IQCH: variants seen among roughly 807,000 people sequenced by gnomAD.
The protein encoded by IQCH is IQ domain-containing protein H.
A neutral mutation model predicts 117.0 loss-of-function variants in IQCH; 98 were observed. The observed-to-expected ratio is 0.84, with a 90% CI of 0.71 to 0.99. The LOEUF (loss-of-function observed/expected upper bound fraction) is 0.99. Among genes scored for constraint, IQCH ranks in the 50% least tolerant of loss-of-function variants. The probability of loss-of-function intolerance (pLI) is 0.00; values close to 1 mark genes in which losing one functional copy is unlikely to be tolerated. For synonymous variants in IQCH, 412 were observed against 448.2 expected, an observed-to-expected ratio of 0.92 and a Z score of 1.02; for missense variants, 1,102 against 1,243.8, an observed-to-expected ratio of 0.89 and a Z score of 1.72.
At chr15:67,274,148 A>T (rs1167359665) in intron 3 of IQCH, among the ~76,000 whole-genome samples, 2 of 152,052 alleles carry the variant, frequency 1.3e-5, no homozygotes, top group African/African-American at 4.8e-5. Context: ...GGATGGTCTT[A>T]TTTGGGTTGA....
In IQCH at chr15:67,384,569, A is replaced by G. The variant is rs1971044864; in HGVS notation, c.1373-367A>G. Reference sequence around the variant, plus strand: ...TCAAAATACCACATAAGAAGCTCACATTAAGAAGCCAAAACGATATTTTTT... The same window carrying G: ...TCAAAATACCACATAAGAAGCTCACGTTAAGAAGCCAAAACGATATTTTTT... On this transcript the variant is annotated intron_variant, in intron 10 of 20. Coordinates refer to ENST00000335894, the MANE Select transcript of IQCH (RefSeq NM_001031715.3). This position sits in a 1 kb window ranked among gnomAD's most constrained non-coding sequence, Gnocchi z 4.3. Among the ~76,000 whole-genome samples, 1 of 152,166 alleles carries G rather than the reference A, an allele frequency of 6.6e-6. No individual in the cohort carries two copies. Among genetic ancestry groups the G allele is most frequent in the Admixed American group, 6.6e-5 (1 of 15,262 alleles).
At chr15:67,276,926 T>C (rs1390494484) in intron 3 of IQCH, among the ~76,000 whole-genome samples, 1 of 152,248 alleles carries the variant, frequency 6.6e-6, no homozygotes, top group Non-Finnish European at 1.5e-5. Flanking sequence ...TTGGTTCCTT[T>C]GTCCCTTCTC....
intron 4 of IQCH, among the ~76,000 whole-genome samples, chr15:67,312,922 C>T (rs1967670240): frequency 6.6e-6 from 1 of 152,114 alleles, no homozygotes; most frequent in Non-Finnish European, 1.5e-5. Context: ...TTCAAGTATA[C>T]ATTCCTAGAC....
Position 67,388,777 on chromosome 15 carries a change from C to T in IQCH, c.1457-54C>T. The T allele has an allele frequency of 6.9e-7, 1 of 1,441,920 alleles. No individual in the cohort carries two copies. The highest frequency in any genetic ancestry group is 9.7e-7 in the Non-Finnish European group (1 of 1,030,140). 89.3% of individuals were successfully genotyped at this position (1,441,920 alleles called of 1,614,324 possible). A position where few individuals can be genotyped will look rare whatever the true frequency, so the allele number is the denominator to read the frequency against. ...ACAACACCAATCGGATGCCAGAGTT[C>T]ATAATGTCATTTACCTTCACACCAG... is the stretch of plus-strand genomic sequence containing the variant. On this transcript the variant is annotated intron_variant, in intron 11 of 20. Coordinates refer to ENST00000335894, the MANE Select transcript of IQCH (RefSeq NM_001031715.3). This position sits in a 1 kb window ranked among gnomAD's most constrained non-coding sequence, Gnocchi z 5.5.
chr15:67,338,267 A>G (rs1459302341), intron 5 of IQCH, among the ~76,000 whole-genome samples: 2 of 126,536 alleles, frequency 1.6e-5, no homozygotes, highest in African/African-American at 5.6e-5. Flanking sequence ...TGCTTTAGCA[A>G]TAGAGACAAT....
At chr15:67,324,303 C>CA (rs56279630) in intron 4 of IQCH, among the ~76,000 whole-genome samples, 31,327 of 128,178 alleles carry the variant, frequency 0.24, 3,886 homozygotes, top group East Asian at 0.5. Context: ...GTCTTTTGTC[C>CA]AAAAAAAAAA....
chr15:67,277,707 G>A (rs1032053948), intron 3 of IQCH, among the ~76,000 whole-genome samples: 9 of 151,886 alleles, frequency 5.9e-5, no homozygotes, highest in Middle Eastern at 3.4e-3. Flanking sequence ...CTAATTTTTT[G>A]TATTTTTAGT....
chr15:67,465,140 G>C lies in IQCH; in HGVS notation c.2519G>C (p.Gly840Ala). ...TGTTTTAATCAGGTGTGGGCAACCG[G>C]CCTTAACCTCGCATATAGTGACCAG... is the stretch of plus-strand genomic sequence containing the variant. ...STLEQQVWAT[G>A]LNLAYSDQLA... is the part of the protein sequence containing the mutation. The change falls in exon 17 of 21, where the codon GGC becomes GCC. Residue 840 changes from glycine to alanine, a missense_variant. By Grantham distance (60) the Gly-to-Ala change is moderately conservative (BLOSUM62 0). This residue lies in a region of IQCH where 650 missense variants were observed against 794.3 expected (regional missense o/e 0.82). Transcript: ENST00000335894. The surrounding 1 kb of genome is among the most constrained non-coding windows in gnomAD (Gnocchi z 5.9). The C allele has an allele frequency of 6.2e-7, 1 of 1,614,028 alleles. No individual in the cohort carries two copies. Among genetic ancestry groups the C allele is most frequent in the Non-Finnish European group, 8.5e-7 (1 of 1,179,994 alleles).
chr15:67,306,807 C>T, intron 4 of IQCH: 3 of 1,516,586 alleles, frequency 2.0e-6, no homozygotes, highest in East Asian at 2.5e-5. Context: ...AACAAACAAC[C>T]TTCTAACATT....
chr15:67,328,485 A>C (rs1968513185), intron 4 of IQCH, among the ~76,000 whole-genome samples: 1 of 152,196 alleles, frequency 6.6e-6, no homozygotes, highest in South Asian at 2.1e-4. Flanking sequence ...AAGATAAGTA[A>C]AAAGAAAAAC....
In IQCH at chr15:67,377,115, C is replaced by CA. The variant is rs5813442; in HGVS notation, c.1372+3698dup. Reference sequence around the variant, plus strand: ...CTGGGGACACAGCGAGACTCCATCTCAAAAAAAAAAAAAAAAGAAAAAAAG... The same window carrying CA: ...CTGGGGACACAGCGAGACTCCATCTCAAAAAAAAAAAAAAAAAGAAAAAAAG... On this transcript the variant is annotated intron_variant, in intron 10 of 20. Coordinates refer to ENST00000335894, the MANE Select transcript of IQCH (RefSeq NM_001031715.3). 2.1e-3 allele frequency among the ~76,000 whole-genome samples: 168 copies of CA among 81,740 alleles called. 1 individual carries two copies. The highest frequency in any genetic ancestry group is 5.3e-3 in the African/African-American group (88 of 16,676). 53.6% of individuals were successfully genotyped at this position (81,740 alleles called of 152,430 possible).
At chr15:67,468,237 C>T (rs930433455) in intron 17 of IQCH, among the ~76,000 whole-genome samples, 2 of 152,192 alleles carry the variant, frequency 1.3e-5, no homozygotes, top group African/African-American at 2.4e-5. Context: ...AAGGGAACAT[C>T]TTTGCAAACA....
chr15:67,467,856 A>G lies in IQCH; in HGVS notation c.2676+2559A>G, dbSNP rs1474243125. On this transcript the variant is annotated intron_variant, in intron 17 of 20. Coordinates refer to ENST00000335894, the MANE Select transcript of IQCH (RefSeq NM_001031715.3). This position sits in a 1 kb window ranked among gnomAD's most constrained non-coding sequence, Gnocchi z 5.7. ...CGCATTCAAAACTAATGCCTATAAA[A>G]TGCTTCCAGTGTGGGCCCTTTTCTT... Among the ~76,000 whole-genome samples the G allele has an allele frequency of 9.2e-5, 14 of 152,206 alleles. No individual in the cohort carries two copies. In the East Asian group the frequency reaches 2.5e-3, roughly 27 times the overall value.
rs969458011 is a variant in IQCH at position 67,370,007 on chromosome 15, G to T, written c.754-2104G>T. Among the ~76,000 whole-genome samples the T allele has an allele frequency of 6.6e-6, 1 of 152,178 alleles. No homozygotes were observed. The highest frequency in any genetic ancestry group is 6.5e-5 in the Admixed American group (1 of 15,274). ...GAATATCATCCAAGAAGGTAGAAAGGTGTAATCCCTTTGTTCTAAAACAGC... is the reference window on the plus strand; with the variant it reads ...GAATATCATCCAAGAAGGTAGAAAGTTGTAATCCCTTTGTTCTAAAACAGC... On this transcript the variant is annotated intron_variant, in intron 8 of 20. Transcript: ENST00000335894. The surrounding 1 kb of genome is among the most constrained non-coding windows in gnomAD (Gnocchi z 5.6).
chr15:67,414,886 G>A (rs1291704856), intron 14 of IQCH, among the ~76,000 whole-genome samples: 1 of 152,066 alleles, frequency 6.6e-6, no homozygotes, highest in South Asian at 2.1e-4. Context: ...AATCAAGGCA[G>A]AACAAAGCAA....
chr15:67,395,475 A>G lies in IQCH; in HGVS notation c.1817A>G (p.Tyr606Cys), dbSNP rs1971434041. 1 of 1,613,970 alleles carries G rather than the reference A, an allele frequency of 6.2e-7. No individual in the cohort carries two copies. Among genetic ancestry groups the G allele is most frequent in the South Asian group, 1.1e-5 (1 of 91,078 alleles). The part of the protein sequence containing the change: ...LGSEPELAHL[Y>C]STKSGGKRVF... ...TCTGAGCCTGAACTAGCTCATCTTT[A>G]TAGTACCAAATCTGGAGGCAAACGT... is the stretch of plus-strand genomic sequence containing the variant. The change falls in exon 13 of 21, where the codon TAT becomes TGT. Residue 606 changes from tyrosine to cysteine, a missense_variant. Physicochemically the swap from Tyr to Cys is radical, Grantham distance 194. Transcript: ENST00000335894. The surrounding 1 kb of genome is among the most constrained non-coding windows in gnomAD (Gnocchi z 4.0).
chr15:67,489,122 C>T (rs2083571871), intron 18 of IQCH, among the ~76,000 whole-genome samples: 1 of 151,808 alleles, frequency 6.6e-6, no homozygotes, highest in African/African-American at 2.4e-5. Context: ...CAAGCTCCGC[C>T]TCCCAGGTTC....
At chr15:67,419,347 C>T (rs1209901085) in intron 15 of IQCH, among the ~76,000 whole-genome samples, 3 of 152,156 alleles carry the variant, frequency 2.0e-5, no homozygotes, top group Admixed American at 6.5e-5. Context: ...CCAGTGCATA[C>T]AGCAGGCCCT....
intron 4 of IQCH, among the ~76,000 whole-genome samples, chr15:67,290,325 A>T (rs367750278): frequency 2.6e-5 from 4 of 152,062 alleles, no homozygotes; most frequent in Admixed American, 6.6e-5. Flanking sequence ...TAATTTCTGC[A>T]TCTGTAATAA....
Sources: gnomAD v4.1 joint callset for allele counts (sites outside exome capture counted in the v4.1 genomes callset) on GRCh38, gnomAD v4.1.1 for gene constraint, gnomAD v4.1.1 regional missense constraint, Gnocchi (gnomAD v3.1) non-coding constraint, MANE v1.5 for transcripts, NCBI Gene and HGNC (gene_info 2026-07-23, HGNC 2026-07-21) for gene names.